MMP25: variants seen among roughly 807,000 people sequenced by gnomAD.
The protein encoded by MMP25 is matrix metallopeptidase 25, also known as matrix metalloproteinase-25.
MMP25 carries 68 observed loss-of-function variants against 62.1 expected under a neutral mutation model. The observed-to-expected ratio is 1.10, with a 90% CI of 0.90 to 1.34. The LOEUF (loss-of-function observed/expected upper bound fraction) is 1.34, where lower values mean the gene tolerates loss of function less well. MMP25 is among the 40% of genes most tolerant of loss of function. The pLI is 0.00. For synonymous variants in MMP25, 407 were observed against 345.6 expected (o/e 1.18, Z -1.97); for missense variants, 942 against 792.5 (o/e 1.19, Z -2.26).
At position 3,057,448 on chromosome 16, in the gene MMP25, G is replaced by C; in HGVS notation, c.923+54G>C. 4.4e-6 allele frequency: 7 copies of C among 1,600,452 alleles called. No individual in the cohort carries two copies. The South Asian group carries it at 7.7e-5, about 18-fold the overall frequency. ...GGGTGACCAGCTGCCCAGCCTCAGT[G>C]TCCTCTGAGATGGGGATGGTGGGGG... On this transcript the variant is annotated intron_variant, in intron 6 of 9. Coordinates refer to ENST00000336577, the MANE Select transcript of MMP25 (RefSeq NM_022468.5).
At chr16:3,047,580 T>C (rs773376343) in intron 2 of MMP25, 33 bp downstream of exon 2, 18 of 1,593,542 alleles carry the variant, frequency 1.1e-5, no homozygotes, top group Non-Finnish European at 1.5e-5. Flanking sequence ...CAGCCCTGCC[T>C]CTGCACCCAG....
At chr16:3,057,252 C>G in intron 5 of MMP25, 43 bp downstream of exon 5, 2 of 1,613,956 alleles carry the variant, frequency 1.2e-6, no homozygotes, top group Non-Finnish European at 1.7e-6. Flanking sequence ...ATTGCCCCAT[C>G]CAGTGTCCTC....
chr16:3,047,694 A>G, intron 2 of MMP25, 147 bp downstream of exon 2: 2 of 863,926 alleles, frequency 2.3e-6, no homozygotes, highest in Non-Finnish European at 3.5e-6. Context: ...TCAGGCGTTC[A>G]TCTTTCCATA....
rs994258314 is a variant in MMP25 at position 3,047,034 on chromosome 16, A to G, written c.99+18A>G. On this transcript the variant is annotated intron_variant, in intron 1 of 9. Transcript: ENST00000336577. Reference sequence around the variant, plus strand: ...TGGGCGTGGTGAGCGCGGGGTCCGCAGGCTCCTGGGGTCTGCAGAGAGATT... The same window carrying G: ...TGGGCGTGGTGAGCGCGGGGTCCGCGGGCTCCTGGGGTCTGCAGAGAGATT... 7.0e-6 allele frequency: 10 copies of G among 1,427,446 alleles called. No homozygotes were observed. The African/African-American group carries it at 1.3e-4, about 19-fold the overall frequency. 88.4% of individuals were successfully genotyped at this position (1,427,446 alleles called of 1,614,324 possible).
rs776434326 is a variant in MMP25 at position 3,049,976 on chromosome 16, G to T, written c.233-33G>T. 5 of 1,604,560 alleles carry T rather than the reference G, an allele frequency of 3.1e-6. No individual in the cohort carries two copies. In the Admixed American group the frequency reaches 6.7e-5, roughly 21 times the overall value. Reference sequence around the variant, plus strand: ...GATTAAGGCAGGCTCTCCTATTGTGGACACACCCCCCACCGCCAAATGTCT... The same window carrying T: ...GATTAAGGCAGGCTCTCCTATTGTGTACACACCCCCCACCGCCAAATGTCT... On this transcript the variant is annotated intron_variant, in intron 2 of 9. Transcript: ENST00000336577.
rs1955878986 is a variant in MMP25 at position 3,050,135 on chromosome 16, T to G, written c.359T>G (p.Leu120Arg). The stretch of plus-strand genomic sequence containing the variant: ...GGCAGCGTGTGGAAGAAGCGAACCC[T>G]GACATGGAGGTAGGTCCTGGGGCCC... ...LSGSVWKKRT[L>R]TWRVRSFPQS... is the part of the protein sequence containing the mutation. The change falls in exon 3 of 10, where the codon CTG (leucine) becomes CGG (arginine). Residue 120 changes from leucine (L) to arginine (R), a missense_variant. Physicochemically the swap from Leu to Arg is moderately radical, Grantham distance 102. Coordinates refer to ENST00000336577, the MANE Select transcript of MMP25 (RefSeq NM_022468.5). 3.7e-6 allele frequency: 6 copies of G among 1,606,120 alleles called. No individual in the cohort carries two copies. The highest frequency in any genetic ancestry group is 5.1e-6 in the Non-Finnish European group (6 of 1,174,388).
chr16:3,047,020 A>G lies in MMP25; in HGVS notation c.99+4A>G. 7.0e-7 allele frequency: 1 copy of G among 1,438,670 alleles called. No individual in the cohort carries two copies. Among genetic ancestry groups the G allele is most frequent in the Non-Finnish European group, 9.1e-7 (1 of 1,103,678 alleles). 89.1% of individuals were successfully genotyped at this position (1,438,670 alleles called of 1,614,324 possible). A position where few individuals can be genotyped will look rare whatever the true frequency, so the allele number is the denominator to read the frequency against. On this transcript the variant is annotated splice_donor_region_variant and intron_variant, in intron 1 of 9. Coordinates refer to ENST00000336577, the MANE Select transcript of MMP25 (RefSeq NM_022468.5). ...GCAGGACGTGAGCCTGGGCGTGGTG[A>G]GCGCGGGGTCCGCAGGCTCCTGGGG...
rs1567128290 is a variant in MMP25 at position 3,057,291 on chromosome 16, CCTGA to C, written c.839-16_839-13del. ...AGCAGGGCCAGGGGACGCACACCTG[CCTGA>C]CTCTTTCCTCACAGGGAAGGCGCCC... On this transcript the variant is annotated splice_polypyrimidine_tract_variant and intron_variant, in intron 5 of 9. Coordinates refer to ENST00000336577, the MANE Select transcript of MMP25 (RefSeq NM_022468.5). 1.9e-6 allele frequency: 3 copies of C among 1,614,058 alleles called. No homozygotes were observed. Among genetic ancestry groups the C allele is most frequent in the East Asian group, 2.2e-5 (1 of 44,872 alleles).
In MMP25 at chr16:3,058,463, C is replaced by CGCTCACGGAGCTGGGGCT. The variant is rs750523116; in HGVS notation, c.1214_1231dup (p.Leu405_Leu410dup). ...CGGCAGCTGGAGGGCGGGGCGCGGC[C>CGCTCACGGAGCTGGGGCT]GCTCACGGAGCTGGGGCTGCCCCCG... On this transcript the variant is annotated inframe_insertion, in exon 9 of 10. Transcript: ENST00000336577. 6.3e-7 allele frequency: 1 copy of CGCTCACGGAGCTGGGGCT among 1,597,046 alleles called. No homozygotes were observed. The highest frequency in any genetic ancestry group is 1.1e-5 in the South Asian group (1 of 89,294).
chr16:3,046,870 A>T lies in MMP25; in HGVS notation c.-48A>T. 9.7e-7 allele frequency: 1 copy of T among 1,034,518 alleles called. No homozygotes were observed. The highest frequency in any genetic ancestry group is 1.3e-6 in the Non-Finnish European group (1 of 784,044). 64.1% of individuals were successfully genotyped at this position (1,034,518 alleles called of 1,614,324 possible). A position where few individuals can be genotyped will look rare whatever the true frequency, so the allele number is the denominator to read the frequency against. On this transcript the variant is annotated 5_prime_UTR_variant, in exon 1 of 10. Coordinates refer to ENST00000336577, the MANE Select transcript of MMP25 (RefSeq NM_022468.5). The stretch of plus-strand genomic sequence containing the variant: ...TCCCCCAGGTCCCCGGGGCGGCCCC[A>T]GCCAGGCCCCCTTCGAACCCCGCCG...
Position 3,057,598 on chromosome 16 carries a change from ACTTT to A in MMP25, c.995_998del (p.Phe332SerfsTer35). On this transcript the variant is annotated frameshift_variant, in exon 7 of 10. Coordinates refer to ENST00000336577, the MANE Select transcript of MMP25 (RefSeq NM_022468.5). LOFTEE classifies it high-confidence loss of function. ...CGCCATCGCCAACATCCGAGGGGAAACTTTCTTCTTCAAAGGTGAGTCATTTCAC... is the reference window on the plus strand; with the variant it reads ...CGCCATCGCCAACATCCGAGGGGAAACTTCTTCAAAGGTGAGTCATTTCAC... 1 of 1,614,142 alleles carries A rather than the reference ACTTT, an allele frequency of 6.2e-7. No homozygotes were observed. The highest frequency in any genetic ancestry group is 1.3e-5 in the African/African-American group (1 of 75,000).
In MMP25 at chr16:3,057,515, C is replaced by G. The variant is rs766906188; in HGVS notation, c.924-16C>G. 2 of 1,612,610 alleles carry G rather than the reference C, an allele frequency of 1.2e-6. No homozygotes were observed. The highest frequency in any genetic ancestry group is 1.7e-6 in the Non-Finnish European group (2 of 1,178,770). On this transcript the variant is annotated splice_polypyrimidine_tract_variant and intron_variant, in intron 6 of 9. Coordinates refer to ENST00000336577, the MANE Select transcript of MMP25 (RefSeq NM_022468.5). Reference sequence around the variant, plus strand: ...AACAAACCCCCCTCTCTACTCACCTCTCCTTTCCTCCCCAGCCCATCCTTC... The same window carrying G: ...AACAAACCCCCCTCTCTACTCACCTGTCCTTTCCTCCCCAGCCCATCCTTC...
intron 4 of MMP25, among the ~76,000 whole-genome samples, chr16:3,055,209 C>G (rs549644735): frequency 6.6e-6 from 1 of 151,994 alleles, no homozygotes; most frequent in Admixed American, 6.6e-5. Context: ...CTCTGGGAAT[C>G]TTGTGGGGCT....
In MMP25 at chr16:3,047,454, C is replaced by G. The variant is rs1348837336; in HGVS notation, c.139C>G (p.Pro47Ala). Residue 47 changes from proline (P) to alanine (A), a missense_variant, in exon 2 of 10, where the codon CCT (proline) becomes GCT (alanine). Transcript: ENST00000336577. The stretch of plus-strand genomic sequence containing the variant: ...CTATGGTTACCTGCCGCCACCCCAC[C>G]CTGCCCAGGCCCAGCTGCAGAGCCC... ...TRYGYLPPPH[P>A]AQAQLQSPEK... The G allele has an allele frequency of 1.2e-6, 2 of 1,613,896 alleles. No homozygotes were observed. The highest frequency in any genetic ancestry group is 2.2e-5 in the East Asian group (1 of 44,882).
intron 4 of MMP25, chr16:3,054,562 A>T (rs1424595556): frequency 6.5e-6 from 1 of 154,078 alleles, no homozygotes; most frequent in Non-Finnish European, 1.4e-5. Flanking sequence ...GGATGGATGG[A>T]CAGATGCATG....
Position 3,058,442 on chromosome 16 carries a change from A to C in MMP25, c.1190A>C (p.Gln397Pro). 1.3e-6 allele frequency: 2 copies of C among 1,588,228 alleles called. No individual in the cohort carries two copies. Among genetic ancestry groups the C allele is most frequent in the Non-Finnish European group, 1.7e-6 (2 of 1,168,188 alleles). The change falls in exon 9 of 10, where the codon CAG (glutamine) becomes CCG (proline). Residue 397 changes from glutamine to proline, a missense_variant. Coordinates refer to ENST00000336577, the MANE Select transcript of MMP25 (RefSeq NM_022468.5). ...CAGTTCTGGGTGTTCCAGGACCGGC[A>C]GCTGGAGGGCGGGGCGCGGCCGCTC... Reference protein sequence around the residue: ...GPQFWVFQDRQLEGGARPLTE... With the variant: ...GPQFWVFQDRPLEGGARPLTE...
chr16:3,049,849 C>A, intron 2 of MMP25, 160 bp from the exon 3 acceptor site: 1 of 1,067,546 alleles, frequency 9.4e-7, no homozygotes, highest in East Asian at 2.4e-5. Flanking sequence ...CTTCCAGAGA[C>A]AGACTGCCTG....
At position 3,059,227 on chromosome 16, in the gene MMP25, C is replaced by G. The variant is rs1018852002; in HGVS notation, c.*129C>G. Reference sequence around the variant, plus strand: ...CCACGGACGGGGGCTCGGGCGCGGACTAAGCAGGGGGGATCTCCCGCGCAG... The same window carrying G: ...CCACGGACGGGGGCTCGGGCGCGGAGTAAGCAGGGGGGATCTCCCGCGCAG... On this transcript the variant is annotated 3_prime_UTR_variant, in exon 10 of 10. Coordinates refer to ENST00000336577, the MANE Select transcript of MMP25 (RefSeq NM_022468.5). The G allele has an allele frequency of 2.5e-6, 3 of 1,178,774 alleles. No individual in the cohort carries two copies. The highest frequency in any genetic ancestry group is 3.2e-5 in the African/African-American group (2 of 63,482). The allele number at this position is 1,178,774 out of a possible 1,614,324, so 73.0% of individuals were successfully genotyped here. A position where few individuals can be genotyped will look rare whatever the true frequency, so the allele number is the denominator to read the frequency against.
Position 3,057,303 on chromosome 16 carries a change from C to T in MMP25, c.839-7C>T. The T allele has an allele frequency of 2.5e-6, 4 of 1,614,106 alleles. No individual in the cohort carries two copies. Among genetic ancestry groups the T allele is most frequent in the Non-Finnish European group, 3.4e-6 (4 of 1,180,012 alleles). On this transcript the variant is annotated splice_region_variant and splice_polypyrimidine_tract_variant and intron_variant, in intron 5 of 9. Coordinates refer to ENST00000336577, the MANE Select transcript of MMP25 (RefSeq NM_022468.5). ...GGACGCACACCTGCCTGACTCTTTCCTCACAGGGAAGGCGCCCCAAACCCC... is the reference window on the plus strand; with the variant it reads ...GGACGCACACCTGCCTGACTCTTTCTTCACAGGGAAGGCGCCCCAAACCCC...
Sources: gnomAD v4.1 joint callset for allele counts (sites outside exome capture counted in the v4.1 genomes callset) on GRCh38, gnomAD v4.1.1 for gene constraint, MANE v1.5 for transcripts, NCBI Gene and HGNC (gene_info 2026-07-23, HGNC 2026-07-21) for gene names.